Variants in DTL observed in about 807,000 individuals in gnomAD.
DTL encodes the protein denticleless protein homolog.
In DTL, 46 loss-of-function variants were observed where a neutral mutation model predicts 87.0. The observed-to-expected ratio is 0.53, with a 90% CI of 0.42 to 0.68. The LOEUF is 0.68. Ranked by LOEUF, DTL falls within the 30% of genes least tolerant of loss-of-function variation. The probability of loss-of-function intolerance (pLI) is 0.00; values close to 1 mark genes in which losing one functional copy is unlikely to be tolerated. For missense variants in DTL, 737 were observed against 869.4 expected, an observed-to-expected ratio of 0.85 and a Z score of 1.91; for synonymous variants, 308 against 311.2, an observed-to-expected ratio of 0.99 and a Z score of 0.11.
At chr1:212,092,394 G>A (rs141991531) in intron 13 of DTL, among the ~76,000 whole-genome samples, 2 of 152,278 alleles carry the variant, frequency 1.3e-5, no homozygotes, top group African/African-American at 4.8e-5. Context: ...CTTAGGTGTG[G>A]TGGTGCATGC....
chr1:212,069,614 C>T lies in DTL; in HGVS notation c.922+911C>T, dbSNP rs150557323. Among the ~76,000 whole-genome samples, 119 of 151,326 alleles carry T rather than the reference C, an allele frequency of 7.9e-4. 1 individual carries two copies. In the East Asian group the frequency reaches 0.019, roughly 25 times the overall value. On this transcript the variant is annotated intron_variant, in intron 10 of 14. Coordinates refer to ENST00000366991, the MANE Select transcript of DTL (RefSeq NM_016448.4). ...AGGCTGGAGTGCAGTGGTTCGATCT[C>T]GGCTCACTGCACCCTCCGCCTCCTG...
chr1:212,063,482 G>A (rs1465090963), intron 6 of DTL, among the ~76,000 whole-genome samples: 1 of 151,746 alleles, frequency 6.6e-6, no homozygotes, highest in Non-Finnish European at 1.5e-5. Context: ...ATAGAAATGG[G>A]GTTTCACTAT....
chr1:212,068,534 T>C, intron 9 of DTL, 65 bp from the exon 10 acceptor site: 2 of 1,098,066 alleles, frequency 1.8e-6, no homozygotes, highest in Non-Finnish European at 2.7e-6. Context: ...TTTTTGTCTC[T>C]ACATTTTAAC....
Position 212,079,570 on chromosome 1 carries a change from C to T in DTL, c.1126-1045C>T, listed in dbSNP as rs368503739. The stretch of plus-strand genomic sequence containing the variant: ...AAGCTGGGTTTAAATTCTAGCTCTT[C>T]CATTTGATTGTGGTTACTTTGGGCA... On this transcript the variant is annotated intron_variant, in intron 12 of 14. Transcript: ENST00000366991. Among the ~76,000 whole-genome samples, 40 of 152,186 alleles carry T rather than the reference C, an allele frequency of 2.6e-4. No individual in the cohort carries two copies. The South Asian group carries it at 6.4e-3, about 24-fold the overall frequency.
chr1:212,036,027 C>CT (rs397844077), intron 1 of DTL, 85 bp downstream of exon 1: 7 of 1,309,020 alleles, frequency 5.3e-6, no homozygotes, highest in Non-Finnish European at 7.7e-6. Context: ...GGGCCGACTC[C>CT]AATTCTGAAC....
intron 1 of DTL, among the ~76,000 whole-genome samples, chr1:212,037,979 G>T (rs1667536736): frequency 6.6e-6 from 1 of 152,118 alleles, no homozygotes; most frequent in Admixed American, 6.5e-5. Context: ...ACTTATTCCA[G>T]CTCAGGGCTG....
chr1:212,050,755 A>G (rs1388482911), intron 5 of DTL, among the ~76,000 whole-genome samples: 1 of 152,062 alleles, frequency 6.6e-6, no homozygotes, highest in Non-Finnish European at 1.5e-5. Flanking sequence ...AAATATCTTA[A>G]CCCTGTGTTC....
chr1:212,080,473 A>T (rs1399422291), intron 12 of DTL, 142 bp from the exon 13 acceptor site: 5 of 736,750 alleles, frequency 6.8e-6, no homozygotes, highest in East Asian at 2.6e-5. Flanking sequence ...GATGTACATG[A>T]TCTTTAAGAT....
At chr1:212,047,007 C>T in intron 3 of DTL, 144 bp from the exon 4 acceptor site, 2 of 694,692 alleles carry the variant, frequency 2.9e-6, no homozygotes, top group South Asian at 3.7e-5. Flanking sequence ...AATGATATCT[C>T]ATTGTGGTTT....
intron 13 of DTL, among the ~76,000 whole-genome samples, chr1:212,098,645 A>G (rs1655519765): frequency 6.6e-6 from 1 of 151,978 alleles, no homozygotes; most frequent in African/African-American, 2.4e-5. Flanking sequence ...AAGGGAGATT[A>G]TGGCTGCCTC....
intron 8 of DTL, among the ~76,000 whole-genome samples, 164 bp from the exon 9 acceptor site, chr1:212,068,060 C>A (rs1395658518): frequency 6.6e-6 from 1 of 152,158 alleles, no homozygotes; most frequent in Non-Finnish European, 1.5e-5. Flanking sequence ...ATATTGGAGA[C>A]AACAGTATAA....
At chr1:212,097,434 C>G (rs1490283692) in intron 13 of DTL, among the ~76,000 whole-genome samples, 2 of 151,806 alleles carry the variant, frequency 1.3e-5, no homozygotes, top group Non-Finnish European at 2.9e-5. Flanking sequence ...TTGCCTTTGT[C>G]TTTGTTGAAT....
intron 1 of DTL, among the ~76,000 whole-genome samples, chr1:212,037,158 A>G (rs568785801): frequency 6.6e-6 from 1 of 152,282 alleles, no homozygotes; most frequent in South Asian, 2.1e-4. Flanking sequence ...TTATACTTCC[A>G]CACCTTACTA....
chr1:212,093,054 G>T (rs1396039881), intron 13 of DTL, among the ~76,000 whole-genome samples: 1 of 151,898 alleles, frequency 6.6e-6, no homozygotes, highest in African/African-American at 2.4e-5. Context: ...TTTGAGAATT[G>T]TCTATTCATG....
chr1:212,068,482 G>A (rs964859651), intron 9 of DTL, 117 bp from the exon 10 acceptor site: 3 of 851,652 alleles, frequency 3.5e-6, no homozygotes, highest in Non-Finnish European at 5.5e-6. Flanking sequence ...TGTATATTTT[G>A]GGGACAAAGA....
chr1:212,054,620 C>T (rs760251194), intron 5 of DTL, among the ~76,000 whole-genome samples: 3 of 151,582 alleles, frequency 2.0e-5, no homozygotes, highest in Non-Finnish European at 2.9e-5. Context: ...ATGGTGAAAC[C>T]CTGTCTCTAC....
chr1:212,058,760 G>A (rs1668252250), intron 5 of DTL, among the ~76,000 whole-genome samples: 1 of 151,730 alleles, frequency 6.6e-6, no homozygotes, highest in Non-Finnish European at 1.5e-5. Context: ...GTTGGTTTTT[G>A]GAAAAGATAA....
intron 5 of DTL, among the ~76,000 whole-genome samples, chr1:212,048,442 C>T (rs913462117): frequency 9.2e-5 from 14 of 152,314 alleles, no homozygotes; most frequent in Admixed American, 3.3e-4. Flanking sequence ...CCACCTGCCT[C>T]GGCCTCCTAA....
At chr1:212,054,726 CAG>C (rs941950943) in intron 5 of DTL, among the ~76,000 whole-genome samples, 2 of 138,450 alleles carry the variant, frequency 1.4e-5, no homozygotes, top group South Asian at 2.2e-4. Flanking sequence ...ACCTGGGAGA[CAG>C]AGGTTGCAGT....
Sources: gnomAD v4.1 joint callset for allele counts (sites outside exome capture counted in the v4.1 genomes callset) on GRCh38, gnomAD v4.1.1 for gene constraint, MANE v1.5 for transcripts, NCBI Gene and HGNC (gene_info 2026-07-23, HGNC 2026-07-21) for gene names.